Variants in TEX11 observed in about 807,000 individuals in gnomAD.
TEX11 encodes the protein testis expressed 11.
Under a neutral mutation model 84.4 loss-of-function variants are expected in TEX11, and 7 were observed. The ratio of observed to expected loss-of-function variants is 0.08; its 90% CI spans 0.05 to 0.16. TEX11 has a LOEUF of 0.16. TEX11 is among the 10% of genes least tolerant of loss of function. TEX11 has a pLI of 1.00. For missense variants in TEX11, 551 were observed against 660.5 expected (o/e 0.83, Z 1.82); for synonymous variants, 264 against 222.8 (o/e 1.18, Z -1.64).
intron 27 of TEX11, among the ~76,000 whole-genome samples, chrX:70,552,474 T>A (rs1169418856): frequency 9.0e-6 from 1 of 111,653 alleles, no homozygotes; most frequent in Non-Finnish European, 1.9e-5. Context: ...CATTCTTTTT[T>A]TAGTTTCCTG....
intron 16 of TEX11, among the ~76,000 whole-genome samples, chrX:70,664,165 T>G (rs2089956753): frequency 8.9e-6 from 1 of 112,194 alleles, no homozygotes. Flanking sequence ...TTGCCACTTT[T>G]TCTCCTTCTA....
At chrX:70,613,636 G>C (rs1472443294) in intron 20 of TEX11, among the ~76,000 whole-genome samples, 1 of 111,679 alleles carries the variant, frequency 9.0e-6, no homozygotes, top group Non-Finnish European at 1.9e-5. Flanking sequence ...CACAAGGACT[G>C]CAAGTCTTAG....
chrX:70,906,339 T>C (rs984730043), intron 2 of TEX11, among the ~76,000 whole-genome samples: 4 of 107,452 alleles, frequency 3.7e-5, no homozygotes, highest in African/African-American at 1.3e-4. Flanking sequence ...TTCTATACTT[T>C]TCTGTGTGAT....
At chrX:70,690,988 G>GA (rs757373082) in intron 13 of TEX11, among the ~76,000 whole-genome samples, 4 of 111,358 alleles carry the variant, frequency 3.6e-5, no homozygotes, top group East Asian at 2.8e-4. Context: ...AACTCAAGGG[G>GA]AAAAAAATCA....
chrX:70,655,220 A>C (rs764859123), intron 16 of TEX11, among the ~76,000 whole-genome samples: 2 of 111,538 alleles, frequency 1.8e-5, no homozygotes, highest in South Asian at 7.6e-4. Context: ...ACAAAATATG[A>C]GTTTTGATAC....
In TEX11 at chrX:70,622,440, G is replaced by T. The variant is rs149751791; in HGVS notation, c.1751+1510C>A. 6.1e-3 allele frequency among the ~76,000 whole-genome samples: 687 copies of T among 111,752 alleles called. 10 individuals carry two copies. Among genetic ancestry groups the T allele is most frequent in the African/African-American group, 0.021 (650 of 30,815 alleles). The stretch of plus-strand genomic sequence containing the variant: ...TTCCCAATTGGTTTTAATGTGTGTG[G>T]TTTGACTGTATGCCACAATTATGAG... On this transcript the variant is annotated intron_variant, in intron 20 of 29. Transcript: ENST00000374333.
chrX:70,713,760 T>A (rs1368335942), intron 13 of TEX11, among the ~76,000 whole-genome samples: 2 of 110,924 alleles, frequency 1.8e-5, no homozygotes, highest in African/African-American at 6.6e-5. Flanking sequence ...ATTCATTGAG[T>A]TTTTGAAGGC....
At chrX:70,818,871 A>G (rs1056958160) in intron 8 of TEX11, among the ~76,000 whole-genome samples, 8 of 111,413 alleles carry the variant, frequency 7.2e-5, no homozygotes, top group African/African-American at 2.6e-4. Flanking sequence ...TCTTAGAAAC[A>G]TGCAGCCTAA....
chrX:70,847,761 C>T (rs1277115329), intron 7 of TEX11, among the ~76,000 whole-genome samples: 2 of 110,628 alleles, frequency 1.8e-5, no homozygotes, highest in Non-Finnish European at 3.8e-5. Flanking sequence ...CCATGCTGGT[C>T]TTGAACTCCT....
chrX:70,711,697 T>C (rs1457027024), intron 13 of TEX11, among the ~76,000 whole-genome samples: 4 of 111,842 alleles, frequency 3.6e-5, no homozygotes, highest in Non-Finnish European at 7.5e-5. Flanking sequence ...TAGCCCTTTG[T>C]CAGATGAGTA....
At chrX:70,879,075 T>C (rs1458951325) in intron 3 of TEX11, among the ~76,000 whole-genome samples, 1 of 111,168 alleles carries the variant, frequency 9.0e-6, no homozygotes, top group Admixed American at 9.6e-5. Context: ...GGCAAAACCA[T>C]AGAGACCAAA....
At chrX:70,776,419 C>T (rs1307616857) in intron 9 of TEX11, among the ~76,000 whole-genome samples, 1 of 109,225 alleles carries the variant, frequency 9.2e-6, no homozygotes, top group African/African-American at 3.3e-5. Context: ...AAAATTTAGC[C>T]AGGCGTGGTG....
intron 13 of TEX11, among the ~76,000 whole-genome samples, chrX:70,720,991 T>C (rs1037730640): frequency 8.1e-5 from 9 of 110,541 alleles, no homozygotes; most frequent in African/African-American, 2.6e-4. Flanking sequence ...CAAACATATT[T>C]AAATTCCAGC....
At chrX:70,885,535 A>T (rs1462786564) in intron 2 of TEX11, among the ~76,000 whole-genome samples, 1 of 111,624 alleles carries the variant, frequency 9.0e-6, no homozygotes, top group Non-Finnish European at 1.9e-5. Flanking sequence ...GGGAAATGCA[A>T]ACTAAAATTT....
At position 70,812,854 on chromosome X, in the gene TEX11, G is replaced by T. The variant is rs183086417; in HGVS notation, c.607-6064C>A. 2.7e-5 allele frequency among the ~76,000 whole-genome samples: 3 copies of T among 111,406 alleles called. No homozygotes were observed. The East Asian group carries it at 8.4e-4, about 31-fold the overall frequency. ...ATAAACTAGAAAATCTAGAAGAAAT[G>T]GATAAATTCCTCAACATATACACTC... is the stretch of plus-strand genomic sequence containing the variant. On this transcript the variant is annotated intron_variant, in intron 8 of 29. Coordinates refer to ENST00000374333, the MANE Select transcript of TEX11 (RefSeq NM_031276.3).
At chrX:70,853,476 A>G (rs914261828) in intron 5 of TEX11, 148 bp from the exon 6 acceptor site, 3 of 444,228 alleles carry the variant, frequency 6.8e-6, no homozygotes, top group Non-Finnish European at 1.1e-5. Flanking sequence ...CATTTGTTAG[A>G]GTTCTGTGTT....
chrX:70,600,559 T>C (rs2089086506), intron 24 of TEX11, among the ~76,000 whole-genome samples: 1 of 109,429 alleles, frequency 9.1e-6, no homozygotes, highest in South Asian at 4.0e-4. Context: ...ATCAACAGAA[T>C]ATACATTCTT....
At chrX:70,904,514 T>A (rs1436668894) in intron 2 of TEX11, among the ~76,000 whole-genome samples, 1 of 112,445 alleles carries the variant, frequency 8.9e-6, no homozygotes, top group Non-Finnish European at 1.9e-5. Flanking sequence ...TGTAAAATTT[T>A]AAAAGTCTGA....
intron 13 of TEX11, among the ~76,000 whole-genome samples, chrX:70,702,338 T>C (rs749928689): frequency 8.9e-6 from 1 of 111,942 alleles, no homozygotes; most frequent in South Asian, 3.7e-4. Flanking sequence ...AGATTACAAC[T>C]CACTGAAGGC....
Sources: allele counts gnomAD v4.1 joint callset (sites outside exome capture counted in the v4.1 genomes callset), GRCh38; gene constraint gnomAD v4.1.1; transcripts MANE v1.5; gene names NCBI Gene and HGNC (gene_info 2026-07-23, HGNC 2026-07-21).